WDSUB1: variants seen among roughly 807,000 people sequenced by gnomAD.
The protein encoded by WDSUB1 is WD repeat, SAM and U-box domain-containing protein 1.
Under a neutral mutation model 53.9 loss-of-function variants are expected in WDSUB1, and 49 were observed. The observed-to-expected ratio is 0.91, with a 90% confidence interval of 0.72 to 1.15. The LOEUF (loss-of-function observed/expected upper bound fraction) is 1.15. WDSUB1 is among the 50% of genes most tolerant of loss of function. The pLI is 0.00. For missense variants in WDSUB1, 514 were observed against 562.0 expected (o/e 0.91, Z 0.86); for synonymous variants, 194 against 200.6 (o/e 0.97, Z 0.28).
chr2:159,252,871 C>T (rs532104660), intron 9 of WDSUB1, among the ~76,000 whole-genome samples: 1 of 152,116 alleles, frequency 6.6e-6, no homozygotes, highest in African/African-American at 2.4e-5. Context: ...AGAGTGAACC[C>T]TTTGAAAAAA....
intron 5 of WDSUB1, among the ~76,000 whole-genome samples, chr2:159,266,342 C>A (rs972407228): frequency 6.6e-6 from 1 of 152,152 alleles, no homozygotes; most frequent in Non-Finnish European, 1.5e-5. Context: ...GCACCCGCCA[C>A]AACGCCCGGC....
intron 10 of WDSUB1, among the ~76,000 whole-genome samples, chr2:159,238,246 T>G (rs2060540351): frequency 6.6e-6 from 1 of 151,516 alleles, no homozygotes; most frequent in Non-Finnish European, 1.5e-5. Flanking sequence ...CTCCCTTGAT[T>G]CCCAGAGAGC....
intron 2 of WDSUB1, among the ~76,000 whole-genome samples, chr2:159,282,465 T>TA (rs753964341): frequency 1.3e-5 from 2 of 152,232 alleles, no homozygotes; most frequent in Non-Finnish European, 2.9e-5. Context: ...GTGCTGGGAT[T>TA]ACACGCGTGA....
At chr2:159,239,667 T>C (rs2060589526) in intron 10 of WDSUB1, among the ~76,000 whole-genome samples, 1 of 152,210 alleles carries the variant, frequency 6.6e-6, no homozygotes, top group African/African-American at 2.4e-5. Flanking sequence ...CTCATGCCTA[T>C]AATCTCAGCA....
intron 8 of WDSUB1, among the ~76,000 whole-genome samples, chr2:159,257,225 C>T (rs985218432): frequency 1.3e-5 from 2 of 152,130 alleles, no homozygotes; most frequent in African/African-American, 4.8e-5. Flanking sequence ...TAATCTCAGA[C>T]TCCTGGGCTC....
chr2:159,250,088 C>CAAAAAAAAA lies in WDSUB1; in HGVS notation c.1133-1585_1133-1577dup, dbSNP rs374038625. 1.7e-3 allele frequency among the ~76,000 whole-genome samples: 141 copies of CAAAAAAAAA among 83,536 alleles called. 17 individuals carry two copies. The highest frequency in any genetic ancestry group is 0.018 in the Middle Eastern group (2 of 114). The allele number at this position is 83,536 out of a possible 152,430, so 54.8% of individuals were successfully genotyped here. On this transcript the variant is annotated intron_variant, in intron 9 of 10. Transcript: ENST00000359774. ...TGGGCGACACAGTGAGACTCTGCCTCAAAAAAAAAAAAAAAAAAAGAAGGG... is the reference window on the plus strand; with the variant it reads ...TGGGCGACACAGTGAGACTCTGCCTCAAAAAAAAAAAAAAAAAAAAAAAAAAAAGAAGGG...
chr2:159,277,943 G>A (rs2061577197), intron 3 of WDSUB1, among the ~76,000 whole-genome samples: 1 of 152,112 alleles, frequency 6.6e-6, no homozygotes, highest in African/African-American at 2.4e-5. Flanking sequence ...TATCATTTCA[G>A]AATCTCACCT....
At chr2:159,245,561 A>C (rs1309581973) in intron 10 of WDSUB1, among the ~76,000 whole-genome samples, 3 of 151,920 alleles carry the variant, frequency 2.0e-5, no homozygotes, top group Non-Finnish European at 4.4e-5. Context: ...ATAAAGCTAC[A>C]GTAATCGAAG....
chr2:159,267,039 G>A (rs1473477116), intron 5 of WDSUB1, among the ~76,000 whole-genome samples: 1 of 150,572 alleles, frequency 6.6e-6, no homozygotes, highest in Non-Finnish European at 1.5e-5. Context: ...TCCCAAAGTG[G>A]TGGGATTACA....
At chr2:159,260,239 AG>A (rs2061160063) in intron 5 of WDSUB1, among the ~76,000 whole-genome samples, 1 of 152,164 alleles carries the variant, frequency 6.6e-6, no homozygotes, top group Non-Finnish European at 1.5e-5. Context: ...TGGGAGGTGG[AG>A]GTTACAATGA....
intron 3 of WDSUB1, among the ~76,000 whole-genome samples, chr2:159,279,089 A>C (rs1430793626): frequency 6.6e-6 from 1 of 152,228 alleles, no homozygotes; most frequent in Non-Finnish European, 1.5e-5. Context: ...CTACTACTAC[A>C]TTTTAAATTT....
intron 5 of WDSUB1, among the ~76,000 whole-genome samples, chr2:159,265,290 A>AC (rs1392964200): frequency 4.6e-5 from 2 of 43,458 alleles, no homozygotes; most frequent in Non-Finnish European, 8.3e-5. Flanking sequence ...GCAAGCACAC[A>AC]CACCACACAC....
chr2:159,281,212 T>C (rs1444577008), intron 2 of WDSUB1, among the ~76,000 whole-genome samples: 1 of 152,156 alleles, frequency 6.6e-6, no homozygotes, highest in African/African-American at 2.4e-5. Flanking sequence ...CTAATGTACT[T>C]AATGTCATCT....
At chr2:159,283,142 A>C in intron 1 of WDSUB1, 49 bp from the exon 2 acceptor site, 1 of 1,487,048 alleles carries the variant, frequency 6.7e-7, no homozygotes, top group Non-Finnish European at 9.1e-7. Context: ...AATCAGATAC[A>C]TGCAATTTGA....
chr2:159,248,453 TA>T lies in WDSUB1; in HGVS notation c.1191del (p.Lys398AsnfsTer15). 6.2e-7 allele frequency: 1 copy of T among 1,603,772 alleles called. No homozygotes were observed. The highest frequency in any genetic ancestry group is 8.5e-7 in the Non-Finnish European group (1 of 1,176,444). On this transcript the variant is annotated frameshift_variant, in exon 10 of 11. Coordinates refer to ENST00000359774, the MANE Select transcript of WDSUB1 (RefSeq NM_001128212.3). LOFTEE classifies it high-confidence loss of function. ...LRKIEELRTK[V>X]KSLSSGIPDE... ...TCAGGAATTCCTGAAGAAAGGGATT[TA>T]ACCTTGGTCCTGAGCTCTTCAATTT...
At chr2:159,284,907 G>A (rs1349364641) in intron 1 of WDSUB1, among the ~76,000 whole-genome samples, 1 of 152,040 alleles carries the variant, frequency 6.6e-6, no homozygotes, top group Non-Finnish European at 1.5e-5. Context: ...AAATGTTCTT[G>A]CCTCTGCTCT....
Position 159,256,125 on chromosome 2 carries a change from C to A in WDSUB1, c.1132+71G>T. 2.8e-6 allele frequency: 4 copies of A among 1,440,038 alleles called. No homozygotes were observed. In the South Asian group the frequency reaches 4.1e-5, roughly 15 times the overall value. The allele number at this position is 1,440,038 out of a possible 1,614,324, so 89.2% of individuals were successfully genotyped here. ...GAACATTAAGAAGAAACCATTAATG[C>A]AACAAAATCCAACTGCAGAGTAATT... On this transcript the variant is annotated intron_variant, in intron 9 of 10. Transcript: ENST00000359774.
intron 9 of WDSUB1, among the ~76,000 whole-genome samples, chr2:159,248,884 G>A (rs988589422): frequency 2.0e-5 from 3 of 152,180 alleles, no homozygotes; most frequent in Admixed American, 6.5e-5. Flanking sequence ...GGGATTACAG[G>A]TGTGAGCCAC....
In WDSUB1 at chr2:159,275,721, A is replaced by G. The variant is rs113949823; in HGVS notation, c.584-83T>C. The G allele has an allele frequency of 5.3e-5, 55 of 1,043,512 alleles. No homozygotes were observed. In the African/African-American group the frequency reaches 6.8e-4, roughly 13 times the overall value. 64.6% of individuals were successfully genotyped at this position (1,043,512 alleles called of 1,614,324 possible). A position where few individuals can be genotyped will look rare whatever the true frequency, so the allele number is the denominator to read the frequency against. On this transcript the variant is annotated intron_variant, in intron 3 of 10. Coordinates refer to ENST00000359774, the MANE Select transcript of WDSUB1 (RefSeq NM_001128212.3). ...ATTCCCATTTCTTATACTAAGATCT[A>G]TTAATTCTACTCATTTAAACCATGT...
Sources: gnomAD v4.1 joint callset for allele counts (sites outside exome capture counted in the v4.1 genomes callset) on GRCh38, gnomAD v4.1.1 for gene constraint, MANE v1.5 for transcripts, NCBI Gene and HGNC (gene_info 2026-07-23, HGNC 2026-07-21) for gene names.